The following PCDHA5 variants were observed in gnomAD, a reference collection of about 807,000 sequenced individuals.
PCDHA5 encodes the protein protocadherin alpha-5.
In PCDHA5, 43 loss-of-function variants were observed where a neutral mutation model predicts 61.6. The observed-to-expected ratio is 0.70, with a 90% CI of 0.55 to 0.90. The LOEUF is 0.90. Among genes scored for constraint, PCDHA5 ranks in the 40% least tolerant of loss-of-function variants. PCDHA5 has a pLI of 0.00. For missense variants in PCDHA5, 1,298 were observed against 1,222.7 expected (o/e 1.06, Z -0.92); for synonymous variants, 627 against 543.9 (o/e 1.15, Z -2.13).
chr5:140,871,226 G>T, intron 1 of PCDHA5: 1 of 1,613,918 alleles, frequency 6.2e-7, no homozygotes, highest in South Asian at 1.1e-5. Flanking sequence ...GTGGTGTCCA[G>T]CCTCCTGGTA....
intron 1 of PCDHA5, among the ~76,000 whole-genome samples, chr5:140,839,392 GA>G (rs2150297449): frequency 1.4e-5 from 2 of 147,944 alleles, no homozygotes; most frequent in African/African-American, 4.9e-5. Context: ...TGATGATGAT[GA>G]TGATTATTAT....
At chr5:140,848,492 T>C (rs1781549856) in intron 1 of PCDHA5, 2 of 1,575,612 alleles carry the variant, frequency 1.3e-6, no homozygotes, top group South Asian at 2.3e-5. Flanking sequence ...ACTGAGTATT[T>C]GAAATGTTAT....
At chr5:141,007,000 G>A (rs2098298646) in intron 3 of PCDHA5, among the ~76,000 whole-genome samples, 1 of 152,128 alleles carries the variant, frequency 6.6e-6, no homozygotes, top group South Asian at 2.1e-4. Flanking sequence ...ATATAAGTCT[G>A]CATCTCATCA....
At chr5:141,002,682 G>A (rs536105955) in intron 3 of PCDHA5, among the ~76,000 whole-genome samples, 51 of 152,256 alleles carry the variant, frequency 3.3e-4, no homozygotes, top group African/African-American at 1.0e-3. Flanking sequence ...CCTATACGAC[G>A]TGCAGATTTG....
At chr5:140,920,889 T>G (rs1488579126) in intron 1 of PCDHA5, among the ~76,000 whole-genome samples, 2 of 150,044 alleles carry the variant, frequency 1.3e-5, no homozygotes, top group African/African-American at 4.9e-5. Context: ...GAACTTAAAG[T>G]CATATTTTGG....
intron 1 of PCDHA5, among the ~76,000 whole-genome samples, chr5:140,938,521 T>C (rs2092100005): frequency 6.6e-6 from 1 of 150,974 alleles, no homozygotes; most frequent in African/African-American, 2.4e-5. Context: ...TTTTCTGTTA[T>C]TGAATGGATA....
chr5:140,910,869 C>T (rs2153516135), intron 1 of PCDHA5, among the ~76,000 whole-genome samples: 1 of 152,264 alleles, frequency 6.6e-6, no homozygotes, highest in Non-Finnish European at 1.5e-5. Context: ...CCACCATTAT[C>T]CCACACCCTT....
chr5:141,006,505 G>A (rs2098276412), intron 3 of PCDHA5, among the ~76,000 whole-genome samples: 2 of 152,020 alleles, frequency 1.3e-5, no homozygotes, highest in African/African-American at 4.8e-5. Flanking sequence ...GAGCCACCGC[G>A]CCTGGCTGTT....
chr5:140,929,022 C>T (rs17844367), intron 1 of PCDHA5: 4 of 1,614,172 alleles, frequency 2.5e-6, no homozygotes, highest in Admixed American at 3.3e-5. Context: ...TGCACCAGAG[C>T]CCAGGCTGTT....
chr5:140,940,841 C>T (rs246072), intron 1 of PCDHA5, among the ~76,000 whole-genome samples: 86,358 of 151,986 alleles, frequency 0.57, 25,200 homozygotes, highest in African/African-American at 0.71. Context: ...CCTTTCTTCA[C>T]GATAGATTTT....
chr5:140,831,753 C>T (rs2150197118), intron 1 of PCDHA5, among the ~76,000 whole-genome samples: 2 of 152,134 alleles, frequency 1.3e-5, no homozygotes, highest in Non-Finnish European at 2.9e-5. Context: ...TTCATCGCTA[C>T]CAATTTTGTT....
At chr5:140,873,653 C>A (rs2054406845) in intron 1 of PCDHA5, among the ~76,000 whole-genome samples, 1 of 152,104 alleles carries the variant, frequency 6.6e-6, no homozygotes, top group Non-Finnish European at 1.5e-5. Context: ...AACTACATAA[C>A]ACACTATTAT....
At chr5:140,876,653 C>G in intron 1 of PCDHA5, 1 of 1,614,200 alleles carries the variant, frequency 6.2e-7, no homozygotes, top group Non-Finnish European at 8.5e-7. Flanking sequence ...CCTCATGTTC[C>G]CTTCAAGCTG....
At chr5:140,841,682 G>T (rs2150320729) in intron 1 of PCDHA5, 21 of 1,613,844 alleles carry the variant, frequency 1.3e-5, no homozygotes, top group South Asian at 5.5e-5. Context: ...CCATGTGGAC[G>T]TGGAGGTGAA....
Position 141,009,718 on chromosome 5 carries a change from A to C in PCDHA5, c.2592A>C (p.Gln864His). The change falls in exon 4 of 4, where the codon CAA becomes CAC. Residue 864 changes from glutamine to histidine, a missense_variant. Coordinates refer to ENST00000529859, the MANE Select transcript of PCDHA5 (RefSeq NM_018908.3). Reference protein sequence around the residue: ...TFKYGPGNPKQSGPGELPDKF... With the variant: ...TFKYGPGNPKHSGPGELPDKF... Reference sequence around the variant, plus strand: ...AATACGGACCAGGCAACCCCAAACAATCCGGTCCCGGTGAGTTGCCCGACA... The same window carrying C: ...AATACGGACCAGGCAACCCCAAACACTCCGGTCCCGGTGAGTTGCCCGACA... 6.2e-7 allele frequency: 1 copy of C among 1,614,044 alleles called. No individual in the cohort carries two copies. Among genetic ancestry groups the C allele is most frequent in the Non-Finnish European group, 8.5e-7 (1 of 1,180,018 alleles).
At chr5:140,966,710 G>C in intron 1 of PCDHA5, 1 of 1,391,664 alleles carries the variant, frequency 7.2e-7, no homozygotes, top group African/African-American at 1.5e-5. Context: ...GTGGGGCACG[G>C]CTGGGGAAGC....
chr5:140,908,208 C>A (rs1477430085), intron 1 of PCDHA5, among the ~76,000 whole-genome samples: 8 of 152,136 alleles, frequency 5.3e-5, no homozygotes, highest in Non-Finnish European at 1.0e-4. Context: ...TCATGCAGAA[C>A]CATCTGTGAA....
At chr5:140,837,560 A>G (rs2150276693) in intron 1 of PCDHA5, among the ~76,000 whole-genome samples, 2 of 152,102 alleles carry the variant, frequency 1.3e-5, no homozygotes, top group East Asian at 1.9e-4. Context: ...AATTATATAA[A>G]TATATTTACA....
chr5:141,011,429 A>G lies in PCDHA5; in HGVS notation c.*1492A>G, dbSNP rs1554263477. ...TGTGTATGTGAATGTTAATGCAACT[A>G]TTACCTAGAGTGAACTTTAAGCTTT... On this transcript the variant is annotated 3_prime_UTR_variant, in exon 4 of 4. Coordinates refer to ENST00000529859, the MANE Select transcript of PCDHA5 (RefSeq NM_018908.3). 1.3e-5 allele frequency: 2 copies of G among 153,758 alleles called. No homozygotes were observed. Among genetic ancestry groups the G allele is most frequent in the Non-Finnish European group, 2.9e-5 (2 of 68,036 alleles). 9.5% of individuals were successfully genotyped at this position (153,758 alleles called of 1,614,324 possible).
Sources: allele counts gnomAD v4.1 joint callset (sites outside exome capture counted in the v4.1 genomes callset), GRCh38; gene constraint gnomAD v4.1.1; transcripts MANE v1.5; gene names NCBI Gene and HGNC (gene_info 2026-07-23, HGNC 2026-07-21).